Variants in TMED10 observed in about 807,000 individuals in gnomAD.
TMED10 encodes transmembrane p24 trafficking protein 10.
TMED10 carries 7 observed loss-of-function variants against 23.1 expected under a neutral mutation model. The ratio of observed to expected loss-of-function variants is 0.30; its 90% CI spans 0.17 to 0.57. TMED10 has a LOEUF of 0.57. Ranked by LOEUF, TMED10 falls within the 20% of genes least tolerant of loss-of-function variation. The pLI, the probability that TMED10 is intolerant of heterozygous loss-of-function variation, is 0.91. For missense variants in TMED10, 162 were observed against 274.8 expected, an observed-to-expected ratio of 0.59 and a Z score of 2.90; for synonymous variants, 113 against 106.9, an observed-to-expected ratio of 1.06 and a Z score of -0.35.
intron 1 of TMED10, among the ~76,000 whole-genome samples, chr14:75,164,289 T>A (rs930058057): frequency 2.0e-5 from 3 of 146,482 alleles, no homozygotes; most frequent in African/African-American, 5.1e-5. Flanking sequence ...TGGAGTGCAG[T>A]GGCACGATCA....
chr14:75,149,215 C>T (rs971875226), intron 2 of TMED10, among the ~76,000 whole-genome samples: 5 of 152,210 alleles, frequency 3.3e-5, no homozygotes, highest in Admixed American at 6.5e-5. Flanking sequence ...CTGTGCCTGG[C>T]GGAGAAGTAG....
intron 1 of TMED10, among the ~76,000 whole-genome samples, chr14:75,164,548 T>C: frequency 2.3e-5 from 1 of 42,610 alleles, no homozygotes; most frequent in African/African-American, 2.6e-4. Flanking sequence ...TATATATATA[T>C]ATATATATAT....
rs75739472 is a variant in TMED10, at chr14:75,168,841, T to G, written c.225+7514A>C. Among the ~76,000 whole-genome samples, 905 of 152,256 alleles carry G rather than the reference T, an allele frequency of 5.9e-3. 8 individuals are homozygous for G. The highest frequency in any genetic ancestry group is 0.021 in the African/African-American group (871 of 41,540). On this transcript the variant is annotated intron_variant, in intron 1 of 4. Transcript: ENST00000303575. Reference sequence around the variant, plus strand: ...ATTAAAGAGTTCACAAAGTAAACACTACACTACATGAAAAGTGCCATGTAA... The same window carrying G: ...ATTAAAGAGTTCACAAAGTAAACACGACACTACATGAAAAGTGCCATGTAA...
chr14:75,157,275 A>G (rs189039733), intron 1 of TMED10, among the ~76,000 whole-genome samples: 10 of 152,342 alleles, frequency 6.6e-5, no homozygotes, highest in Admixed American at 3.9e-4. Context: ...TAATCTTCTC[A>G]GCAACTCCAT....
Position 75,147,185 on chromosome 14 carries a change from G to GTTTTTTTTTTTTTTTTTTTT in TMED10, c.411+459_411+478dup, listed in dbSNP as rs71119349. ...ACAGCCAGAATTATTCTTCAAGGCT[G>GTTTTTTTTTTTTTTTTTTTT]TTTTTTTTTTTTTTTTTTTTTGAGA... is the stretch of plus-strand genomic sequence containing the variant. On this transcript the variant is annotated intron_variant, in intron 3 of 4. Transcript: ENST00000303575. 1.5e-4 allele frequency among the ~76,000 whole-genome samples: 17 copies of GTTTTTTTTTTTTTTTTTTTT among 116,604 alleles called. 2 individuals are homozygous for GTTTTTTTTTTTTTTTTTTTT. The highest frequency in any genetic ancestry group is 4.9e-4 in the African/African-American group (13 of 26,274). 76.5% of individuals were successfully genotyped at this position (116,604 alleles called of 152,430 possible). A position where few individuals can be genotyped will look rare whatever the true frequency, so the allele number is the denominator to read the frequency against.
chr14:75,139,521 A>G (rs912625072), intron 3 of TMED10, among the ~76,000 whole-genome samples: 3 of 152,020 alleles, frequency 2.0e-5, no homozygotes, highest in African/African-American at 7.2e-5. Flanking sequence ...CTGTTATCCC[A>G]ATACTTCGAG....
rs1566675234 is a variant in TMED10 at position 75,164,565 on chromosome 14, A to T, written c.225+11790T>A. Among the ~76,000 whole-genome samples, 5 of 2,322 alleles carry T rather than the reference A, an allele frequency of 2.2e-3. 1 individual carries two copies. Among genetic ancestry groups the T allele is most frequent in the Non-Finnish European group, 3.2e-3 (3 of 926 alleles). 1.5% of individuals were successfully genotyped at this position (2,322 alleles called of 152,430 possible). ...TATATATATATATATATATATATAT[A>T]TATATATATATATTTTTTTTTTTTT... On this transcript the variant is annotated intron_variant, in intron 1 of 4. Transcript: ENST00000303575.
At chr14:75,145,744 G>A (rs1214670486) in intron 3 of TMED10, among the ~76,000 whole-genome samples, 4 of 152,238 alleles carry the variant, frequency 2.6e-5, no homozygotes, top group East Asian at 1.9e-4. Context: ...CAGAGATCCC[G>A]CCACTGCACT....
At chr14:75,155,603 C>CAG (rs748081293) in intron 1 of TMED10, among the ~76,000 whole-genome samples, 1 of 152,034 alleles carries the variant, frequency 6.6e-6, no homozygotes, top group Non-Finnish European at 1.5e-5. Flanking sequence ...ATAAAGCTAA[C>CAG]AGAGAGAGAG....
Position 75,152,022 on chromosome 14 carries a change from G to T in TMED10, c.337+10C>A. On this transcript the variant is annotated intron_variant, in intron 2 of 4. Transcript: ENST00000303575. ...ATTCTTAATCCAGAGAAACACTCTT[G>T]ATTACTCACCCTTGCTCTCAAAACA... is the stretch of plus-strand genomic sequence containing the variant. 3 of 1,608,100 alleles carry T rather than the reference G, an allele frequency of 1.9e-6. No individual in the cohort carries two copies. Among genetic ancestry groups the T allele is most frequent in the Non-Finnish European group, 2.6e-6 (3 of 1,174,812 alleles).
chr14:75,148,220 T>C (rs1895912208), intron 2 of TMED10, among the ~76,000 whole-genome samples: 1 of 152,152 alleles, frequency 6.6e-6, no homozygotes, highest in Non-Finnish European at 1.5e-5. Context: ...ATTAGGATTA[T>C]TGGATATGTG....
intron 1 of TMED10, 148 bp downstream of exon 1, chr14:75,176,207 G>C (rs1173698251): frequency 1.1e-6 from 1 of 947,626 alleles, no homozygotes; most frequent in Non-Finnish European, 1.5e-6. Flanking sequence ...AGCGGGGTGA[G>C]GGGGCGGGCT....
chr14:75,170,851 C>T lies in TMED10; in HGVS notation c.225+5504G>A, dbSNP rs1268918552. Among the ~76,000 whole-genome samples the T allele has an allele frequency of 2.0e-5, 3 of 152,138 alleles. No individual in the cohort carries two copies. In the East Asian group the frequency reaches 5.8e-4, roughly 29 times the overall value. On this transcript the variant is annotated intron_variant, in intron 1 of 4. Transcript: ENST00000303575. ...GGAAGGAGTAACGGAATTAGAAAGTCATCATTTCACAACCTTAATGACATA... is the reference window on the plus strand; with the variant it reads ...GGAAGGAGTAACGGAATTAGAAAGTTATCATTTCACAACCTTAATGACATA...
At chr14:75,174,162 A>C (rs1301409326) in intron 1 of TMED10, among the ~76,000 whole-genome samples, 1 of 152,204 alleles carries the variant, frequency 6.6e-6, no homozygotes, top group East Asian at 1.9e-4. Context: ...GGCATTCTAG[A>C]AAAGATGAAC....
intron 1 of TMED10, among the ~76,000 whole-genome samples, chr14:75,169,587 G>A (rs1321539181): frequency 6.6e-6 from 1 of 152,076 alleles, no homozygotes; most frequent in Non-Finnish European, 1.5e-5. Flanking sequence ...GAACCTGGGA[G>A]GCAGAGGTTG....
Position 75,176,507 on chromosome 14 carries a change from C to T in TMED10, c.73G>A (p.Gly25Ser), listed in dbSNP as rs1896307935. 6.2e-7 allele frequency: 1 copy of T among 1,614,152 alleles called. No homozygotes were observed. The change falls in exon 1 of 5, where the codon GGC becomes AGC. Residue 25 changes from glycine (G) to serine (S), a missense_variant. Gly to Ser is a moderately conservative substitution (Grantham distance 56). Coordinates refer to ENST00000303575, the MANE Select transcript of TMED10 (RefSeq NM_006827.6). Reference protein sequence around the residue: ...PLALLLLFLLGPRLVLAISFH... With the variant: ...PLALLLLFLLSPRLVLAISFH... ...GAGATGGCAAGGACCAATCTGGGGC[C>T]GAGCAGGAACAAAAGCAGCAACGCT...
chr14:75,147,909 C>T (rs1286640620), intron 2 of TMED10, 172 bp from the exon 3 acceptor site: 1 of 648,228 alleles, frequency 1.5e-6, no homozygotes, highest in African/African-American at 1.8e-5. Flanking sequence ...GCTAAAATCA[C>T]AAACATTCCA....
intron 1 of TMED10, among the ~76,000 whole-genome samples, chr14:75,154,235 TA>T (rs1895991907): frequency 8.6e-5 from 1 of 11,636 alleles, no homozygotes; most frequent in Non-Finnish European, 2.9e-4. Flanking sequence ...TTACTAAAAA[TA>T]CAAAAAAAAA....
chr14:75,144,948 C>T (rs535294091), intron 3 of TMED10, among the ~76,000 whole-genome samples: 41 of 152,304 alleles, frequency 2.7e-4, no homozygotes, highest in Admixed American at 1.6e-3. Context: ...TGTGAGCCAC[C>T]GTGCCCTGCC....
Sources: gnomAD v4.1 joint callset for allele counts (sites outside exome capture counted in the v4.1 genomes callset) on GRCh38, gnomAD v4.1.1 for gene constraint, MANE v1.5 for transcripts, NCBI Gene and HGNC (gene_info 2026-07-23, HGNC 2026-07-21) for gene names.